The following PPP2R5C variants were observed in gnomAD, a reference collection of about 807,000 sequenced individuals.
The protein encoded by PPP2R5C is protein phosphatase 2 regulatory subunit B'gamma.
Under a neutral mutation model 68.9 loss-of-function variants are expected in PPP2R5C, and 7 were observed. The observed-to-expected ratio is 0.10, with a 90% CI of 0.06 to 0.19. PPP2R5C has a LOEUF of 0.19. Ranked by LOEUF, PPP2R5C falls within the 10% of genes least tolerant of loss-of-function variation. PPP2R5C has a pLI of 1.00. For synonymous variants in PPP2R5C, 210 were observed against 222.2 expected (o/e 0.95, Z 0.49); for missense variants, 348 against 641.3 (o/e 0.54, Z 4.94).
rs2044000174 is a variant in PPP2R5C at position 101,879,336 on chromosome 14, C to G, written c.295-2825C>G. On this transcript the variant is annotated intron_variant, in intron 2 of 13. Coordinates refer to ENST00000334743, the Ensembl canonical transcript of PPP2R5C. This position sits in a 1 kb window ranked among gnomAD's most constrained non-coding sequence, Gnocchi z 4.2. Reference sequence around the variant, plus strand: ...TTCCAGAGGGACGGCTGTTTCCTCTCCCCCAAGACCTACAGCCTCGTCTCT... The same window carrying G: ...TTCCAGAGGGACGGCTGTTTCCTCTGCCCCAAGACCTACAGCCTCGTCTCT... 2 of 152,688 alleles carry G rather than the reference C, an allele frequency of 1.3e-5. No individual in the cohort carries two copies. Among genetic ancestry groups the G allele is most frequent in the Admixed American group, 1.3e-4 (2 of 15,310 alleles). 9.5% of individuals were successfully genotyped at this position (152,688 alleles called of 1,614,324 possible). A position where few individuals can be genotyped will look rare whatever the true frequency, so the allele number is the denominator to read the frequency against.
intron 1 of PPP2R5C, among the ~76,000 whole-genome samples, chr14:101,832,812 C>T (rs745630928): frequency 6.6e-6 from 1 of 152,182 alleles, no homozygotes; most frequent in Admixed American, 6.5e-5. Context: ...GCCCCTTCTT[C>T]CCCGCGCTTT....
intron 8 of PPP2R5C, among the ~76,000 whole-genome samples, chr14:101,898,447 G>A (rs1038731009): frequency 7.2e-5 from 11 of 152,110 alleles, no homozygotes; most frequent in South Asian, 2.1e-4. Context: ...CTCTTCCACC[G>A]AAAAGTAACA....
chr14:101,802,881 C>G (rs1286096598), intron 3 of PPP2R5C, among the ~76,000 whole-genome samples: 1 of 149,960 alleles, frequency 6.7e-6, no homozygotes, highest in East Asian at 2.0e-4. Flanking sequence ...TCCTCAACAT[C>G]TCTGTCATTA....
chr14:101,901,979 C>T (rs2045716803), intron 9 of PPP2R5C, 90 bp downstream of exon 11: 1 of 1,419,102 alleles, frequency 7.0e-7, no homozygotes, highest in Admixed American at 2.2e-5. Flanking sequence ...TGCTTTGCCT[C>T]TCATGCAATT....
chr14:101,893,950 G>A (rs1332623374), intron 7 of PPP2R5C, among the ~76,000 whole-genome samples: 3 of 152,344 alleles, frequency 2.0e-5, no homozygotes, highest in Non-Finnish European at 2.9e-5. Flanking sequence ...GAGCAGTCAC[G>A]CCCCAGCACA....
At chr14:101,909,744 A>G in intron 11 of PPP2R5C, 54 bp downstream of exon 13, 1 of 1,321,782 alleles carries the variant, frequency 7.6e-7, no homozygotes, top group Non-Finnish European at 1.1e-6. Context: ...CTTAATCCTA[A>G]GTAAACCTCT....
intron 1 of PPP2R5C, among the ~76,000 whole-genome samples, chr14:101,811,055 G>C (rs1249027166): frequency 6.6e-6 from 1 of 152,160 alleles, no homozygotes; most frequent in East Asian, 1.9e-4. Context: ...TAATCTCTAT[G>C]ACTAAAACGC....
chr14:101,777,488 T>TA (rs1215463726), intron 2 of PPP2R5C, among the ~76,000 whole-genome samples: 1 of 152,016 alleles, frequency 6.6e-6, no homozygotes, highest in Non-Finnish European at 1.5e-5. Context: ...TAGCTGGGAT[T>TA]ACAGGCAAGC....
chr14:101,898,845 A>C (rs1595504856), intron 8 of PPP2R5C, among the ~76,000 whole-genome samples: 1 of 152,244 alleles, frequency 6.6e-6, no homozygotes, highest in Admixed American at 6.5e-5. Context: ...TTATGAAAAC[A>C]CAAAGGCCAT....
At chr14:101,761,840 T>A, upstream of PPP2R5C, 2 of 989,326 alleles carry the variant, frequency 2.0e-6, no homozygotes, top group Non-Finnish European at 2.4e-6. Flanking sequence ...GCGCTGCTGC[T>A]GCGGGGGCAG....
At position 101,877,857 on chromosome 14, in the gene PPP2R5C, A is replaced by G. The variant is rs1344382399; in HGVS notation, c.295-4304A>G. ...CCTTACACATGAGAAATGACTTTCA[A>G]TCAATCAGAATTGGCCTGGAATGAA... is the stretch of plus-strand genomic sequence containing the variant. On this transcript the variant is annotated intron_variant, in intron 2 of 13. Coordinates refer to ENST00000334743, the Ensembl canonical transcript of PPP2R5C. The surrounding 1 kb of genome is among the most constrained non-coding windows in gnomAD (Gnocchi z 4.2). 6.6e-6 allele frequency among the ~76,000 whole-genome samples: 1 copy of G among 152,228 alleles called. No homozygotes were observed.
At chr14:101,832,235 G>A (rs544789702) in intron 1 of PPP2R5C, among the ~76,000 whole-genome samples, 18 of 152,248 alleles carry the variant, frequency 1.2e-4, no homozygotes, top group African/African-American at 4.3e-4. Flanking sequence ...TTCTTTCTTC[G>A]TACTGTGGGA....
At chr14:101,801,744 G>C (rs2038870020) in intron 3 of PPP2R5C, among the ~76,000 whole-genome samples, 1 of 152,232 alleles carries the variant, frequency 6.6e-6, no homozygotes, top group Non-Finnish European at 1.5e-5. Context: ...ACTTAATGTT[G>C]TTAAGATGTC....
chr14:101,827,932 G>A (rs2040495323), intron 1 of PPP2R5C, among the ~76,000 whole-genome samples: 1 of 152,000 alleles, frequency 6.6e-6, no homozygotes, highest in Admixed American at 6.5e-5. Flanking sequence ...GTCTTTTTGG[G>A]TATTAAAATG....
chr14:101,844,580 G>A (rs748917344), intron 1 of PPP2R5C, among the ~76,000 whole-genome samples: 11 of 152,168 alleles, frequency 7.2e-5, no homozygotes, highest in Non-Finnish European at 1.5e-4. Flanking sequence ...CCAAGTTTCA[G>A]CAAGAGTTCG....
intron 1 of PPP2R5C, among the ~76,000 whole-genome samples, chr14:101,812,222 A>G (rs1339916877): frequency 2.0e-5 from 3 of 152,216 alleles, no homozygotes; most frequent in Non-Finnish European, 4.4e-5. Flanking sequence ...GAGCGTCATT[A>G]CAGTGATTAA....
At position 101,879,808 on chromosome 14, in the gene PPP2R5C, A is replaced by G. The variant is rs1339249004; in HGVS notation, c.295-2353A>G. Among the ~76,000 whole-genome samples the G allele has an allele frequency of 6.6e-6, 1 of 152,266 alleles. No individual in the cohort carries two copies. The highest frequency in any genetic ancestry group is 1.5e-5 in the Non-Finnish European group (1 of 68,046). ...ACTCCCCGTAGGAGCTAAAGACTCAATTCAGACTTTCCTTTCTCTGCCCTT... is the reference window on the plus strand; with the variant it reads ...ACTCCCCGTAGGAGCTAAAGACTCAGTTCAGACTTTCCTTTCTCTGCCCTT... On this transcript the variant is annotated intron_variant, in intron 2 of 13. Transcript: ENST00000334743. This position sits in a 1 kb window ranked among gnomAD's most constrained non-coding sequence, Gnocchi z 4.2.
chr14:101,911,809 G>A (rs149039488), intron 11 of PPP2R5C, among the ~76,000 whole-genome samples: 7 of 151,848 alleles, frequency 4.6e-5, no homozygotes, highest in African/African-American at 7.2e-5. Flanking sequence ...GCTTGAGCTC[G>A]GGAGGTGGAG....
At chr14:101,831,898 A>G (rs764363374) in intron 1 of PPP2R5C, 9 of 593,990 alleles carry the variant, frequency 1.5e-5, no homozygotes, top group Non-Finnish European at 2.8e-5. Flanking sequence ...TTGTCCAAAG[A>G]CATTGTTATT....
Sources: gnomAD v4.1 joint callset for allele counts (sites outside exome capture counted in the v4.1 genomes callset) on GRCh38, gnomAD v4.1.1 for gene constraint, Gnocchi (gnomAD v3.1) non-coding constraint, MANE v1.5 for transcripts, NCBI Gene and HGNC (gene_info 2026-07-23, HGNC 2026-07-21) for gene names.